The following TGFBR3 variants were observed in gnomAD, a reference collection of about 807,000 sequenced individuals.
TGFBR3 encodes the protein transforming growth factor beta receptor 3.
TGFBR3 carries 46 observed loss-of-function variants against 87.9 expected under a neutral mutation model. That is an observed-to-expected ratio of 0.52 (90% CI 0.41 to 0.67). The LOEUF (loss-of-function observed/expected upper bound fraction) is 0.67. Ranked by LOEUF, TGFBR3 falls within the 30% of genes least tolerant of loss-of-function variation. The probability of loss-of-function intolerance (pLI) is 0.00; values close to 1 mark genes in which losing one functional copy is unlikely to be tolerated. For missense variants in TGFBR3, 866 were observed against 1,041.9 expected, an observed-to-expected ratio of 0.83 and a Z score of 2.32; for synonymous variants, 381 against 391.6, an observed-to-expected ratio of 0.97 and a Z score of 0.32.
chr1:91,809,193 G>C (rs908098648), intron 2 of TGFBR3, among the ~76,000 whole-genome samples: 1 of 152,142 alleles, frequency 6.6e-6, no homozygotes, highest in Non-Finnish European at 1.5e-5. Context: ...TACCAAATCT[G>C]TTCATCTCTC....
Position 91,886,125 on chromosome 1 carries a change from C to G in TGFBR3, c.-361G>C, listed in dbSNP as rs891719029. 6.6e-6 allele frequency: 3 copies of G among 454,104 alleles called. No homozygotes were observed. Among genetic ancestry groups the G allele is most frequent in the Non-Finnish European group, 1.3e-5 (3 of 226,782 alleles). 28.1% of individuals were successfully genotyped at this position (454,104 alleles called of 1,614,324 possible). A position where few individuals can be genotyped will look rare whatever the true frequency, so the allele number is the denominator to read the frequency against. ...TCACTCGCTGGGAAGAGGAAAGTGC[C>G]GCTCGGCGTCCCCGAAACCCTCGAT... On this transcript the variant is annotated 5_prime_UTR_variant, in exon 1 of 17. Coordinates refer to ENST00000212355, the MANE Select transcript of TGFBR3 (RefSeq NM_003243.5).
chr1:91,705,374 C>T (rs924498213), intron 14 of TGFBR3, among the ~76,000 whole-genome samples: 2 of 151,940 alleles, frequency 1.3e-5, no homozygotes, highest in African/African-American at 4.8e-5. Context: ...CAGGCGTGTG[C>T]CATGACGCCT....
chr1:91,895,060 G>A (rs1272249650), intron 2 of TGFBR3, among the ~76,000 whole-genome samples: 8 of 152,028 alleles, frequency 5.3e-5, no homozygotes, highest in South Asian at 2.1e-4. Flanking sequence ...ATGAGCCACC[G>A]CGCCCAGCTG....
chr1:91,816,920 T>G (rs1676254355), intron 2 of TGFBR3, among the ~76,000 whole-genome samples: 2 of 152,302 alleles, frequency 1.3e-5, no homozygotes, highest in Non-Finnish European at 2.9e-5. Context: ...GTATTCTTAT[T>G]AAAGAAAACA....
At chr1:91,707,566 T>C (rs961876252) in intron 14 of TGFBR3, among the ~76,000 whole-genome samples, 1 of 152,184 alleles carries the variant, frequency 6.6e-6, no homozygotes, top group African/African-American at 2.4e-5. Flanking sequence ...CAGCAGGCCT[T>C]CCAGCTAATA....
Position 91,832,820 on chromosome 1 carries a change from T to C in TGFBR3, c.61+28651A>G, listed in dbSNP as rs1676898801. Among the ~76,000 whole-genome samples the C allele has an allele frequency of 2.0e-5, 3 of 150,724 alleles. No individual in the cohort carries two copies. In the East Asian group the frequency reaches 5.9e-4, roughly 30 times the overall value. On this transcript the variant is annotated intron_variant, in intron 2 of 16. Transcript: ENST00000212355. ...GAGTTCAAGACCAGCCTGGCCAACA[T>C]GGCGAAACCCTGTCTCTATTAAAAA... is the stretch of plus-strand genomic sequence containing the variant.
At chr1:91,784,883 C>A (rs1439617516) in intron 3 of TGFBR3, among the ~76,000 whole-genome samples, 3 of 152,196 alleles carry the variant, frequency 2.0e-5, no homozygotes, top group Non-Finnish European at 2.9e-5. Flanking sequence ...CAGCCTACCC[C>A]CTTCATTGTC....
intron 1 of TGFBR3, among the ~76,000 whole-genome samples, chr1:91,868,536 G>A (rs543430798): frequency 1.3e-5 from 2 of 152,230 alleles, no homozygotes; most frequent in South Asian, 2.1e-4. Flanking sequence ...CTGGCTGCAG[G>A]GCCCTTCTCG....
At chr1:91,731,333 G>A (rs1045665563) in intron 5 of TGFBR3, among the ~76,000 whole-genome samples, 5 of 152,026 alleles carry the variant, frequency 3.3e-5, no homozygotes, top group Non-Finnish European at 5.9e-5. Context: ...TCATGGCTCT[G>A]GCCACCACAG....
intron 2 of TGFBR3, among the ~76,000 whole-genome samples, chr1:91,848,398 C>G (rs1211277210): frequency 6.6e-6 from 1 of 152,156 alleles, no homozygotes; most frequent in African/African-American, 2.4e-5. Flanking sequence ...TATAAGAAAG[C>G]ACTGGCCTAA....
chr1:91,799,855 T>C (rs1285831694), intron 2 of TGFBR3, among the ~76,000 whole-genome samples: 1 of 152,076 alleles, frequency 6.6e-6, no homozygotes, highest in African/African-American at 2.4e-5. Context: ...AATCAAATAA[T>C]AAGGTACTCC....
At chr1:91,819,730 T>C (rs1396460149) in intron 2 of TGFBR3, among the ~76,000 whole-genome samples, 1 of 152,150 alleles carries the variant, frequency 6.6e-6, no homozygotes, top group African/African-American at 2.4e-5. Context: ...TTCAGAGGCT[T>C]TACCACCCCC....
At chr1:91,714,026 G>T (rs767493604) in intron 12 of TGFBR3, among the ~76,000 whole-genome samples, 2 of 149,736 alleles carry the variant, frequency 1.3e-5, no homozygotes, top group African/African-American at 4.9e-5. Flanking sequence ...TGTATATATA[G>T]TTTATATATA....
intron 1 of TGFBR3, among the ~76,000 whole-genome samples, chr1:91,865,202 C>CAAAAAAA (rs67134125): frequency 8.3e-4 from 87 of 105,108 alleles, no homozygotes; most frequent in Middle Eastern, 5.2e-3. Flanking sequence ...GACTCCATCT[C>CAAAAAAA]AAAAAAAAAA....
At chr1:91,736,272 A>G (rs891812586) in intron 4 of TGFBR3, among the ~76,000 whole-genome samples, 34 of 146,782 alleles carry the variant, frequency 2.3e-4, no homozygotes, top group South Asian at 2.2e-4. Context: ...TTTTGTTTAT[A>G]ACTGGCATCA....
chr1:91,823,297 G>A (rs1676518112), intron 2 of TGFBR3, among the ~76,000 whole-genome samples: 2 of 152,100 alleles, frequency 1.3e-5, no homozygotes, highest in South Asian at 2.1e-4. Context: ...AACCAACATA[G>A]GTACACATAC....
chr1:91,797,554 C>T (rs1675438818), intron 2 of TGFBR3, 83 bp from the exon 3 acceptor site: 3 of 1,494,294 alleles, frequency 2.0e-6, no homozygotes, highest in African/African-American at 1.4e-5. Flanking sequence ...CAAACCACTG[C>T]CAACCCACCA....
At chr1:91,692,824 C>T (rs1228645825) in intron 16 of TGFBR3, among the ~76,000 whole-genome samples, 1 of 152,202 alleles carries the variant, frequency 6.6e-6, no homozygotes, top group Admixed American at 6.5e-5. Context: ...TAGATATCCA[C>T]AATCCAAATT....
rs188060482 is a variant in TGFBR3, at chr1:91,729,824, G to A, written c.718C>T (p.Pro240Ser). ...EEVHIIELITPNSNPYSAFQV... is the reference protein window; with the variant it reads ...EEVHIIELITSNSNPYSAFQV... ...ACTTACCTGTAGGGGTTAGAGTTGG[G>A]GGTGATTAGCTCGATGATGTGTACT... The change falls in exon 6 of 17, where the codon CCC (proline) becomes TCC (serine). Residue 240 changes from proline to serine, a missense_variant. Transcript: ENST00000212355. 2.5e-6 allele frequency: 4 copies of A among 1,614,148 alleles called. No individual in the cohort carries two copies. The highest frequency in any genetic ancestry group is 2.2e-5 in the East Asian group (1 of 44,878).
Sources: gnomAD v4.1 joint callset for allele counts (sites outside exome capture counted in the v4.1 genomes callset) on GRCh38, gnomAD v4.1.1 for gene constraint, MANE v1.5 for transcripts, NCBI Gene and HGNC (gene_info 2026-07-23, HGNC 2026-07-21) for gene names.